Variants in NUDT12 observed in about 807,000 individuals in gnomAD.
NUDT12 encodes the protein NAD-capped RNA hydrolase NUDT12.
Under a neutral mutation model 45.7 loss-of-function variants are expected in NUDT12, and 42 were observed. The observed-to-expected ratio is 0.92, with a 90% CI of 0.72 to 1.19. NUDT12 has a LOEUF of 1.19. NUDT12 is among the 50% of genes most tolerant of loss of function. The pLI, the probability that NUDT12 is intolerant of heterozygous loss-of-function variation, is 0.00. For missense variants in NUDT12, 590 were observed against 533.1 expected, an observed-to-expected ratio of 1.11 and a Z score of -1.05; for synonymous variants, 206 against 179.7, an observed-to-expected ratio of 1.15 and a Z score of -1.17.
rs1469149084 is a variant in NUDT12, at chr5:103,549,521, A to C, written c.*1340T>G. On this transcript the variant is annotated 3_prime_UTR_variant, in exon 7 of 7. Transcript: ENST00000230792. Reference sequence around the variant, plus strand: ...TTAGTAATAGCTTCTAGTTCCTTTTACAGGGAGAATCGTCCTCTGCATTAT... The same window carrying C: ...TTAGTAATAGCTTCTAGTTCCTTTTCCAGGGAGAATCGTCCTCTGCATTAT... The C allele has an allele frequency of 2.0e-5, 3 of 151,884 alleles. No homozygotes were observed. The highest frequency in any genetic ancestry group is 6.6e-5 in the Admixed American group (1 of 15,250). 9.4% of individuals were successfully genotyped at this position (151,884 alleles called of 1,614,324 possible). A position where few individuals can be genotyped will look rare whatever the true frequency, so the allele number is the denominator to read the frequency against.
At position 103,550,226 on chromosome 5, in the gene NUDT12, G is replaced by C. The variant is rs1273946806; in HGVS notation, c.*635C>G. ...TCTCCTTCCATGAGGGTGTGGTATT[G>C]AGATCACTATTAAATTATTAAATTA... On this transcript the variant is annotated 3_prime_UTR_variant, in exon 7 of 7. Transcript: ENST00000230792. 1 of 152,140 alleles carries C rather than the reference G, an allele frequency of 6.6e-6. No homozygotes were observed. The highest frequency in any genetic ancestry group is 1.5e-5 in the Non-Finnish European group (1 of 68,054). 9.4% of individuals were successfully genotyped at this position (152,140 alleles called of 1,614,324 possible).
rs1054356992 is a variant in NUDT12, at chr5:103,549,608, C to T, written c.*1253G>A. 1 of 151,952 alleles carries T rather than the reference C, an allele frequency of 6.6e-6. No homozygotes were observed. Among genetic ancestry groups the T allele is most frequent in the Non-Finnish European group, 1.5e-5 (1 of 67,918 alleles). 9.4% of individuals were successfully genotyped at this position (151,952 alleles called of 1,614,324 possible). Reference sequence around the variant, plus strand: ...ACTAATTAGGTAAATTCACCTTTCACAATTTCTTTTTCCTTATCTATAAAA... The same window carrying T: ...ACTAATTAGGTAAATTCACCTTTCATAATTTCTTTTTCCTTATCTATAAAA... On this transcript the variant is annotated 3_prime_UTR_variant, in exon 7 of 7. Coordinates refer to ENST00000230792, the MANE Select transcript of NUDT12 (RefSeq NM_031438.4).
intron 4 of NUDT12, 37 bp downstream of exon 4, chr5:103,555,894 A>G (rs1386587175): frequency 7.1e-7 from 1 of 1,410,140 alleles, no homozygotes; most frequent in East Asian, 2.5e-5. Context: ...TTATTCCCCA[A>G]GATCCAGGTG....
intron 5 of NUDT12, 135 bp downstream of exon 5, chr5:103,554,605 G>T (rs1748755002): frequency 2.7e-6 from 1 of 372,910 alleles, no homozygotes. Context: ...TATTAAAATT[G>T]TATCATTTTT....
chr5:103,551,948 A>G (rs889724789), intron 6 of NUDT12, among the ~76,000 whole-genome samples: 2 of 152,148 alleles, frequency 1.3e-5, no homozygotes, highest in Non-Finnish European at 2.9e-5. Flanking sequence ...ACTGATAGGT[A>G]TTATTATTTA....
rs181854351 is a variant in NUDT12, at chr5:103,550,749, A to G, written c.*112T>C. Reference sequence around the variant, plus strand: ...TTTGAAAATATTTCGAAAACCCAACATCGTATTTTGTGTTGTGACACTCTC... The same window carrying G: ...TTTGAAAATATTTCGAAAACCCAACGTCGTATTTTGTGTTGTGACACTCTC... On this transcript the variant is annotated 3_prime_UTR_variant, in exon 7 of 7. Coordinates refer to ENST00000230792, the MANE Select transcript of NUDT12 (RefSeq NM_031438.4). 11 of 675,718 alleles carry G rather than the reference A, an allele frequency of 1.6e-5. No individual in the cohort carries two copies. The highest frequency in any genetic ancestry group is 3.4e-4 in the Middle Eastern group (1 of 2,946). The allele number at this position is 675,718 out of a possible 1,614,324, so 41.9% of individuals were successfully genotyped here. A position where few individuals can be genotyped will look rare whatever the true frequency, so the allele number is the denominator to read the frequency against.
chr5:103,555,197 C>T (rs1251461885), intron 4 of NUDT12, among the ~76,000 whole-genome samples: 2 of 151,974 alleles, frequency 1.3e-5, no homozygotes, highest in Non-Finnish European at 2.9e-5. Flanking sequence ...AAGGAAAATT[C>T]AAATTTTACC....
At position 103,560,239 on chromosome 5, in the gene NUDT12, C is replaced by T. The variant is rs549780753; in HGVS notation, c.10G>A (p.Val4Ile). 6.2e-7 allele frequency: 1 copy of T among 1,612,096 alleles called. No individual in the cohort carries two copies. Among genetic ancestry groups the T allele is most frequent in the Non-Finnish European group, 8.5e-7 (1 of 1,178,348 alleles). Reference sequence around the variant, plus strand: ...ATTTCTTGCTTCAGACTTCTTTTTACAGAAGACATTTCTTCCTTAAAAGAA... The same window carrying T: ...ATTTCTTGCTTCAGACTTCTTTTTATAGAAGACATTTCTTCCTTAAAAGAA... MSS[V>I]KRSLKQEIVT... The change falls in exon 2 of 7, where the codon GTA becomes ATA. Residue 4 changes from valine (V) to isoleucine (I), a missense_variant. Coordinates refer to ENST00000230792, the MANE Select transcript of NUDT12 (RefSeq NM_031438.4).
rs779220477 is a variant in NUDT12, at chr5:103,555,919, T to TA, written c.964+11dup. ...AGATCCAGGTGGCTGAGATATAAAA[T>TA]AAAGGGCTTACCAACTCTTGGGTAT... is the stretch of plus-strand genomic sequence containing the variant. On this transcript the variant is annotated intron_variant, in intron 4 of 6. Transcript: ENST00000230792. 6.6e-7 allele frequency: 1 copy of TA among 1,508,312 alleles called. No homozygotes were observed. Among genetic ancestry groups the TA allele is most frequent in the Non-Finnish European group, 8.9e-7 (1 of 1,127,206 alleles). The allele number at this position is 1,508,312 out of a possible 1,614,324, so 93.4% of individuals were successfully genotyped here. A position where few individuals can be genotyped will look rare whatever the true frequency, so the allele number is the denominator to read the frequency against.
Position 103,549,409 on chromosome 5 carries a change from T to C in NUDT12, c.*1452A>G, listed in dbSNP as rs548267432. The C allele has an allele frequency of 5.9e-5, 9 of 152,090 alleles. No individual in the cohort carries two copies. The highest frequency in any genetic ancestry group is 2.2e-4 in the African/African-American group (9 of 41,562). 9.4% of individuals were successfully genotyped at this position (152,090 alleles called of 1,614,324 possible). On this transcript the variant is annotated 3_prime_UTR_variant, in exon 7 of 7. Coordinates refer to ENST00000230792, the MANE Select transcript of NUDT12 (RefSeq NM_031438.4). ...ATCTTTTATTTAAGTTAAATAAATG[T>C]TAAGTATCTAAAATTTTAATTAACA...
At chr5:103,557,599 CA>C (rs1278911194) in intron 3 of NUDT12, among the ~76,000 whole-genome samples, 1 of 151,300 alleles carries the variant, frequency 6.6e-6, no homozygotes, top group Non-Finnish European at 1.5e-5. Flanking sequence ...CAAAACAAAA[CA>C]AAAAAACCAC....
chr5:103,552,407 A>G lies in NUDT12; in HGVS notation c.1088T>C (p.Ile363Thr). ...TACTTCTCTCCTAACAGCATCTTCTATTGTCTCTCCTAATGAAATGGAGCA... is the reference window on the plus strand; with the variant it reads ...TACTTCTCTCCTAACAGCATCTTCTGTTGTCTCTCCTAATGAAATGGAGCA... The part of the protein sequence containing the change: ...LAGFIEPGET[I>T]EDAVRREVEE... Residue 363 changes from isoleucine to threonine, a missense_variant, in exon 6 of 7, where the codon ATA becomes ACA. Coordinates refer to ENST00000230792, the MANE Select transcript of NUDT12 (RefSeq NM_031438.4). The G allele has an allele frequency of 1.2e-6, 2 of 1,613,420 alleles. No homozygotes were observed. The highest frequency in any genetic ancestry group is 1.7e-6 in the Non-Finnish European group (2 of 1,179,546).
chr5:103,555,179 A>C (rs1470237981), intron 4 of NUDT12, among the ~76,000 whole-genome samples: 6 of 152,222 alleles, frequency 3.9e-5, no homozygotes, highest in Middle Eastern at 6.8e-3. Flanking sequence ...TAGGTAATAC[A>C]TGGAAATAAG....
intron 1 of NUDT12, among the ~76,000 whole-genome samples, chr5:103,561,403 A>G (rs190247475): frequency 1.4e-4 from 21 of 152,188 alleles, no homozygotes; most frequent in African/African-American, 5.1e-4. Flanking sequence ...CACCTTTCCT[A>G]TTTGTGTCTT....
At chr5:103,553,105 A>G (rs1580692038) in intron 5 of NUDT12, among the ~76,000 whole-genome samples, 1 of 152,060 alleles carries the variant, frequency 6.6e-6, no homozygotes, top group Non-Finnish European at 1.5e-5. Context: ...GTATTTAGCA[A>G]AATATATTTT....
chr5:103,551,100 A>C, intron 6 of NUDT12, 129 bp from the exon 7 acceptor site: 1 of 657,094 alleles, frequency 1.5e-6, no homozygotes. Flanking sequence ...GAAAGTGACA[A>C]CATCCATATT....
At chr5:103,560,287 A>G (rs1300620322) in intron 1 of NUDT12, 33 bp from the exon 2 acceptor site, 1 of 1,352,878 alleles carries the variant, frequency 7.4e-7, no homozygotes, top group Non-Finnish European at 1.1e-6. Flanking sequence ...GAAAAAGCTT[A>G]TTTGCAACTG....
chr5:103,560,498 A>T (rs11750125), intron 1 of NUDT12, among the ~76,000 whole-genome samples: 96,657 of 151,728 alleles, frequency 0.64, 31,242 homozygotes, highest in Middle Eastern at 0.76. Flanking sequence ...CTCTGACAGT[A>T]CAGACGAGGG....
chr5:103,559,037 G>A lies in NUDT12; in HGVS notation c.638C>T (p.Ala213Val), dbSNP rs897578800. The A allele has an allele frequency of 6.2e-7, 1 of 1,613,744 alleles. No individual in the cohort carries two copies. The change falls in exon 3 of 7, where the codon GCT (alanine) becomes GTT (valine). Residue 213 changes from alanine to valine, a missense_variant. Physicochemically the swap from Ala to Val is moderately conservative, Grantham distance 64 (BLOSUM62 0). Coordinates refer to ENST00000230792, the MANE Select transcript of NUDT12 (RefSeq NM_031438.4). ...TTCCTCCTCTCTCGGGACTTCACCA[G>A]CATAATTAAGTAGTTTGTCTTTTAT... ...LEIKDKLLNYAGEVPREEEDG... is the reference protein window; with the variant it reads ...LEIKDKLLNYVGEVPREEEDG...
Sources: gnomAD v4.1 joint callset for allele counts (sites outside exome capture counted in the v4.1 genomes callset) on GRCh38, gnomAD v4.1.1 for gene constraint, MANE v1.5 for transcripts, NCBI Gene and HGNC (gene_info 2026-07-23, HGNC 2026-07-21) for gene names.